The following NTN1 variants were observed in gnomAD, a reference collection of about 807,000 sequenced individuals.
NTN1 encodes the protein netrin-1.
A neutral mutation model predicts 54.2 loss-of-function variants in NTN1; 11 were observed. That is an observed-to-expected ratio of 0.20 (90% CI 0.13 to 0.34). The LOEUF (loss-of-function observed/expected upper bound fraction) is 0.34, where lower values mean the gene tolerates loss of function less well. NTN1 is among the 10% of genes least tolerant of loss of function. NTN1 has a pLI of 1.00. For missense variants in NTN1, 740 were observed against 893.1 expected (o/e 0.83, Z 2.18); for synonymous variants, 371 against 382.0 (o/e 0.97, Z 0.33).
In NTN1 at chr17:9,022,363, C is replaced by A; in HGVS notation, c.-11C>A. 1.5e-6 allele frequency: 2 copies of A among 1,292,992 alleles called. No individual in the cohort carries two copies. The highest frequency in any genetic ancestry group is 1.9e-6 in the Non-Finnish European group (2 of 1,027,312). 80.1% of individuals were successfully genotyped at this position (1,292,992 alleles called of 1,614,324 possible). On this transcript the variant is annotated 5_prime_UTR_variant, in exon 2 of 7. It adds an upstream start codon to the 5' untranslated region. Transcript: ENST00000173229. ...CTCGGCGCGGCAGGGCCGGGGCAAG[C>A]TGGACGCAGCATGATGCGCGCAGTG...
intron 2 of NTN1, among the ~76,000 whole-genome samples, chr17:9,078,075 T>A (rs2092057640): frequency 6.6e-6 from 1 of 152,104 alleles, no homozygotes; most frequent in Admixed American, 6.6e-5. Context: ...CATCCATCCA[T>A]CCATCCATCC....
chr17:9,087,825 A>G (rs2092094611), intron 2 of NTN1, among the ~76,000 whole-genome samples: 1 of 152,210 alleles, frequency 6.6e-6, no homozygotes. Flanking sequence ...TGCTTTCTAA[A>G]CAGTTGACCC....
chr17:9,239,723 G>A lies in NTN1; in HGVS notation c.1570G>A (p.Gly524Ser). 6.2e-7 allele frequency: 1 copy of A among 1,613,026 alleles called. No individual in the cohort carries two copies. Among genetic ancestry groups the A allele is most frequent in the Non-Finnish European group, 8.5e-7 (1 of 1,179,858 alleles). ...TVNIISVYKQ[G>S]TSRIRRGDQS... The stretch of plus-strand genomic sequence containing the variant: ...GAACATCATCTCCGTGTATAAGCAG[G>A]GCACGAGCCGCATCCGCCGCGGTGA... The change falls in exon 7 of 7, where the codon GGC (glycine) becomes AGC (serine). Residue 524 changes from glycine (G) to serine (S), a missense_variant. Physicochemically the swap from Gly to Ser is moderately conservative, Grantham distance 56. Coordinates refer to ENST00000173229, the MANE Select transcript of NTN1 (RefSeq NM_004822.3). This position sits in a 1 kb window ranked among gnomAD's most constrained non-coding sequence, Gnocchi z 5.2.
At chr17:9,134,706 T>A (rs2092275733) in intron 2 of NTN1, among the ~76,000 whole-genome samples, 2 of 152,192 alleles carry the variant, frequency 1.3e-5, no homozygotes, top group Admixed American at 1.3e-4. Context: ...TGGCTGCTCA[T>A]TGCCCTGTGG....
chr17:9,143,201 A>G (rs2092303397), intron 2 of NTN1, among the ~76,000 whole-genome samples: 1 of 152,206 alleles, frequency 6.6e-6, no homozygotes, highest in South Asian at 2.1e-4. Flanking sequence ...GAAGGTAGCG[A>G]TAAAGGGCCA....
At position 9,165,406 on chromosome 17, in the gene NTN1, C is replaced by T. The variant is rs1052214902; in HGVS notation, c.1207+2405C>T. On this transcript the variant is annotated intron_variant, in intron 3 of 6. Transcript: ENST00000173229. The surrounding 1 kb of genome is among the most constrained non-coding windows in gnomAD (Gnocchi z 4.5). ...TGGCTGAATGGCATGATATTGCCCACCTTCCTTTACTGGTTTGTAGGAGGG... is the reference window on the plus strand; with the variant it reads ...TGGCTGAATGGCATGATATTGCCCATCTTCCTTTACTGGTTTGTAGGAGGG... Among the ~76,000 whole-genome samples the T allele has an allele frequency of 9.9e-5, 15 of 152,196 alleles. 1 individual carries two copies. The highest frequency in any genetic ancestry group is 7.9e-4 in the Admixed American group (12 of 15,276).
intron 2 of NTN1, among the ~76,000 whole-genome samples, chr17:9,117,296 G>A (rs2142258113): frequency 6.6e-6 from 1 of 152,318 alleles, no homozygotes; most frequent in Non-Finnish European, 1.5e-5. Flanking sequence ...GGATGGCAGA[G>A]GACACTCTGC....
intron 6 of NTN1, among the ~76,000 whole-genome samples, chr17:9,237,847 T>TC (rs1038555564): frequency 2.9e-4 from 44 of 151,832 alleles, no homozygotes; most frequent in African/African-American, 9.7e-4. Flanking sequence ...GCTGGAGGGC[T>TC]CCCCCCACCC....
At chr17:9,097,305 G>T (rs917080567) in intron 2 of NTN1, among the ~76,000 whole-genome samples, 6 of 152,122 alleles carry the variant, frequency 3.9e-5, no homozygotes, top group African/African-American at 7.2e-5. Flanking sequence ...CCTATTAAAT[G>T]CAGTGTGCTT....
intron 5 of NTN1, among the ~76,000 whole-genome samples, chr17:9,214,906 C>T (rs918976247): frequency 6.6e-6 from 1 of 152,116 alleles, no homozygotes; most frequent in Non-Finnish European, 1.5e-5. Context: ...CAGTTGGATC[C>T]ATTTACCTTC....
intron 2 of NTN1, among the ~76,000 whole-genome samples, chr17:9,096,803 T>TTGTC (rs1187264776): frequency 6.6e-6 from 1 of 152,260 alleles, no homozygotes; most frequent in African/African-American, 2.4e-5. Flanking sequence ...GCAGGCGTCT[T>TTGTC]TGTCTTAATT....
chr17:9,209,943 C>T (rs948736453), intron 5 of NTN1, among the ~76,000 whole-genome samples: 1 of 152,046 alleles, frequency 6.6e-6, no homozygotes, highest in Non-Finnish European at 1.5e-5. Flanking sequence ...GGGCACCGTC[C>T]CTGAGAGGGT....
chr17:9,202,601 T>G (rs1042365770), intron 5 of NTN1, among the ~76,000 whole-genome samples: 8 of 152,208 alleles, frequency 5.3e-5, no homozygotes, highest in Non-Finnish European at 2.9e-5. Flanking sequence ...TGTTGTGGGT[T>G]GAGTGGTTCC....
chr17:9,059,523 G>A (rs931149659), intron 2 of NTN1, among the ~76,000 whole-genome samples: 2 of 152,184 alleles, frequency 1.3e-5, no homozygotes, highest in Non-Finnish European at 2.9e-5. Flanking sequence ...ATGCTACAGT[G>A]TGAAGGAACC....
chr17:9,055,519 TGAG>T (rs1450945231), intron 2 of NTN1, among the ~76,000 whole-genome samples: 2 of 152,140 alleles, frequency 1.3e-5, no homozygotes, highest in Non-Finnish European at 2.9e-5. Context: ...GAGACCTGAA[TGAG>T]GAGAAGGAGC....
At position 9,097,722 on chromosome 17, in the gene NTN1, A is replaced by G. The variant is rs529323821; in HGVS notation, c.1019-65091A>G. ...TGTCCTGTACCAGAACACAAATAGA[A>G]AGCACACTATTCATGCAGTTAAGCG... On this transcript the variant is annotated intron_variant, in intron 2 of 6. Transcript: ENST00000173229. Among the ~76,000 whole-genome samples the G allele has an allele frequency of 2.6e-5, 4 of 152,324 alleles. No homozygotes were observed. The East Asian group carries it at 7.7e-4, about 29-fold the overall frequency.
At chr17:9,089,405 A>C (rs2092101315) in intron 2 of NTN1, among the ~76,000 whole-genome samples, 1 of 85,986 alleles carries the variant, frequency 1.2e-5, no homozygotes, top group Non-Finnish European at 2.2e-5. Context: ...GCAGAGCAAG[A>C]TTCCATCTAA....
At chr17:9,024,327 G>A (rs921717573) in intron 2 of NTN1, among the ~76,000 whole-genome samples, 5 of 152,176 alleles carry the variant, frequency 3.3e-5, no homozygotes, top group African/African-American at 1.2e-4. Flanking sequence ...GTGAGGGGAG[G>A]TAGCAAGACT....
chr17:9,052,371 G>A (rs544933305), intron 2 of NTN1, among the ~76,000 whole-genome samples: 18 of 152,256 alleles, frequency 1.2e-4, no homozygotes, highest in African/African-American at 3.1e-4. Flanking sequence ...CTATGACCCC[G>A]GCAGGTCCAC....
Sources: allele counts gnomAD v4.1 joint callset (sites outside exome capture counted in the v4.1 genomes callset), GRCh38; gene constraint gnomAD v4.1.1; non-coding constraint Gnocchi (gnomAD v3.1); transcripts MANE v1.5; gene names NCBI Gene and HGNC (gene_info 2026-07-23, HGNC 2026-07-21).